Variants in SELENOI observed in about 807,000 individuals in gnomAD.
SELENOI encodes the protein selenoprotein I.
A neutral mutation model predicts 50.7 loss-of-function variants in SELENOI; 24 were observed. That is an observed-to-expected ratio of 0.47 (90% CI 0.34 to 0.67). The LOEUF (loss-of-function observed/expected upper bound fraction) is 0.67. Among genes scored for constraint, SELENOI ranks in the 30% least tolerant of loss-of-function variants. The pLI is 0.01. For missense variants in SELENOI, 352 were observed against 461.4 expected (o/e 0.76, Z 2.17); for synonymous variants, 155 against 170.2 (o/e 0.91, Z 0.70).
intron 4 of SELENOI, among the ~76,000 whole-genome samples, chr2:26,371,555 C>T (rs1328901688): frequency 2.6e-5 from 4 of 152,236 alleles, no homozygotes; most frequent in African/African-American, 7.2e-5. Flanking sequence ...CGCCACTGCA[C>T]TCCAGCCTGG....
At chr2:26,374,138 A>G (rs1242595120) in intron 5 of SELENOI, among the ~76,000 whole-genome samples, 1 of 152,260 alleles carries the variant, frequency 6.6e-6, no homozygotes, top group African/African-American at 2.4e-5. Flanking sequence ...TTCCTTTAAA[A>G]AAACAATCAC....
chr2:26,371,017 A>G (rs868757793), intron 4 of SELENOI, among the ~76,000 whole-genome samples: 36 of 98,962 alleles, frequency 3.6e-4, no homozygotes, highest in Middle Eastern at 9.4e-3. Context: ...GCGGCTGGCC[A>G]GGCAGAGGGG....
chr2:26,383,257 G>A lies in SELENOI; in HGVS notation c.683-42G>A, dbSNP rs368732215. ...ATGATTCAGTGGTAATGTAATAATT[G>A]CTCTTGAATAAGCATAATAATTGAA... On this transcript the variant is annotated intron_variant, in intron 6 of 9. Transcript: ENST00000260585. 15 of 1,425,854 alleles carry A rather than the reference G, an allele frequency of 1.1e-5. No individual in the cohort carries two copies. In the African/African-American group the frequency reaches 1.7e-4, roughly 17 times the overall value. 88.3% of individuals were successfully genotyped at this position (1,425,854 alleles called of 1,614,324 possible). A position where few individuals can be genotyped will look rare whatever the true frequency, so the allele number is the denominator to read the frequency against.
At position 26,391,826 on chromosome 2, in the gene SELENOI, G is replaced by A. The variant is rs1042159700; in HGVS notation, c.*2723G>A. The A allele has an allele frequency of 1.3e-5, 2 of 152,142 alleles. No homozygotes were observed. Among genetic ancestry groups the A allele is most frequent in the African/African-American group, 4.8e-5 (2 of 41,416 alleles). The allele number at this position is 152,142 out of a possible 1,614,324, so 9.4% of individuals were successfully genotyped here. Reference sequence around the variant, plus strand: ...AGAGAATGCTAATGCTGCCTTTTGTGATCCTTTAATATTATCCATGCTTTT... The same window carrying A: ...AGAGAATGCTAATGCTGCCTTTTGTAATCCTTTAATATTATCCATGCTTTT... On this transcript the variant is annotated 3_prime_UTR_variant, in exon 10 of 10. Coordinates refer to ENST00000260585, the MANE Select transcript of SELENOI (RefSeq NM_033505.4).
intron 5 of SELENOI, among the ~76,000 whole-genome samples, chr2:26,374,001 C>T (rs1677513834): frequency 6.6e-6 from 1 of 152,090 alleles, no homozygotes; most frequent in African/African-American, 2.4e-5. Context: ...ATCTTCCTGC[C>T]TTGGCTTCCC....
Position 26,375,114 on chromosome 2 carries a change from C to A in SELENOI, c.648C>A (p.Phe216Leu), listed in dbSNP as rs774295481. 1.9e-6 allele frequency: 3 copies of A among 1,611,952 alleles called. No homozygotes were observed. The highest frequency in any genetic ancestry group is 1.7e-5 in the Admixed American group (1 of 59,924). ...EAWYEPFLFN[F>L]LYRDLFTAMI... ...GGTATGAACCTTTCCTGTTTAATTT[C>A]TTATATAGAGACCTATTCACTGCAA... The change falls in exon 6 of 10, where the codon TTC (phenylalanine) becomes TTA (leucine). Residue 216 changes from phenylalanine (F) to leucine (L), a missense_variant. By Grantham distance (22) the Phe-to-Leu change is conservative (BLOSUM62 0). Coordinates refer to ENST00000260585, the MANE Select transcript of SELENOI (RefSeq NM_033505.4).
intron 4 of SELENOI, among the ~76,000 whole-genome samples, chr2:26,369,168 GA>G (rs1402953368): frequency 6.6e-6 from 1 of 152,168 alleles, no homozygotes; most frequent in Non-Finnish European, 1.5e-5. Context: ...CCTGTAAAAT[GA>G]AGGTATTCTA....
At chr2:26,385,910 C>G (rs1325956493) in intron 8 of SELENOI, among the ~76,000 whole-genome samples, 1 of 152,050 alleles carries the variant, frequency 6.6e-6, no homozygotes, top group Middle Eastern at 3.2e-3. Flanking sequence ...AATAAAGGAG[C>G]CAAAGAGGTT....
intron 1 of SELENOI, among the ~76,000 whole-genome samples, chr2:26,351,404 G>C (rs1676956737): frequency 6.6e-6 from 1 of 152,200 alleles, no homozygotes; most frequent in African/African-American, 2.4e-5. Context: ...GTGGCTCGCT[G>C]TGCTGCCCAG....
At position 26,394,243 on chromosome 2, in the gene SELENOI, A is replaced by T. The variant is rs1003333633; in HGVS notation, c.*5140A>T. 2.0e-5 allele frequency: 3 copies of T among 152,234 alleles called. No homozygotes were observed. Among genetic ancestry groups the T allele is most frequent in the African/African-American group, 7.2e-5 (3 of 41,448 alleles). The allele number at this position is 152,234 out of a possible 1,614,324, so 9.4% of individuals were successfully genotyped here. On this transcript the variant is annotated 3_prime_UTR_variant, in exon 10 of 10. Coordinates refer to ENST00000260585, the MANE Select transcript of SELENOI (RefSeq NM_033505.4). This position sits in a 1 kb window ranked among gnomAD's most constrained non-coding sequence, Gnocchi z 4.1. ...CCGTCTGTAATAAAAATACAAAAAAATTAGCTGGGCATGGTGGCATGTGCC... is the reference window on the plus strand; with the variant it reads ...CCGTCTGTAATAAAAATACAAAAAATTTAGCTGGGCATGGTGGCATGTGCC...
At chr2:26,348,647 C>A (rs1171875366) in intron 1 of SELENOI, among the ~76,000 whole-genome samples, 1 of 150,254 alleles carries the variant, frequency 6.7e-6, no homozygotes, top group Non-Finnish European at 1.5e-5. Flanking sequence ...TGTCTACTTT[C>A]TCTTTTAGGA....
chr2:26,360,284 G>T (rs975505183), intron 1 of SELENOI, among the ~76,000 whole-genome samples: 21 of 152,290 alleles, frequency 1.4e-4, no homozygotes, highest in Admixed American at 8.5e-4. Flanking sequence ...TGTGTAAGGC[G>T]AGAGCACAGA....
intron 5 of SELENOI, 71 bp downstream of exon 5, chr2:26,373,700 T>C: frequency 6.8e-7 from 1 of 1,473,454 alleles, no homozygotes; most frequent in Non-Finnish European, 9.2e-7. Context: ...TCATTGCTTA[T>C]TTATTGCTCT....
intron 1 of SELENOI, among the ~76,000 whole-genome samples, chr2:26,357,586 A>C (rs189661222): frequency 5.0e-4 from 76 of 152,286 alleles, no homozygotes; most frequent in African/African-American, 1.8e-3. Flanking sequence ...CCTTGCCTCT[A>C]TTTCAGCTTC....
At chr2:26,372,270 C>T (rs147843392) in intron 4 of SELENOI, among the ~76,000 whole-genome samples, 193 of 152,064 alleles carry the variant, frequency 1.3e-3, no homozygotes, top group African/African-American at 4.2e-3. Flanking sequence ...GCACCATCCC[C>T]GGCTAAGTTT....
intron 4 of SELENOI, among the ~76,000 whole-genome samples, chr2:26,367,618 T>TA (rs1461729285): frequency 6.6e-6 from 1 of 152,234 alleles, no homozygotes; most frequent in Non-Finnish European, 1.5e-5. Flanking sequence ...ATGCGGCCTT[T>TA]AAAAAATATT....
chr2:26,351,051 G>GTTGTTTTTTTTTTTTTTTTTTTTTT (rs1558409882), intron 1 of SELENOI, among the ~76,000 whole-genome samples: 1 of 102,076 alleles, frequency 9.8e-6, no homozygotes, highest in African/African-American at 5.6e-5. Flanking sequence ...TTCACTGTTT[G>GTTGTTTTTTTTTTTTTTTTTTTTTT]TTTGTTTTTT....
chr2:26,371,089 C>T (rs1677426575), intron 4 of SELENOI, among the ~76,000 whole-genome samples: 1 of 146,160 alleles, frequency 6.8e-6, no homozygotes, highest in Non-Finnish European at 1.5e-5. Flanking sequence ...GACGGGGCGG[C>T]TGGCCGGGCC....
Position 26,367,079 on chromosome 2 carries a change from A to C in SELENOI, c.236-67A>C, listed in dbSNP as rs1022440736. ...ACAAATAGCGACACTTCTCACTGTCAGTATATGCTATGGTAAGAACTACTG... is the reference window on the plus strand; with the variant it reads ...ACAAATAGCGACACTTCTCACTGTCCGTATATGCTATGGTAAGAACTACTG... On this transcript the variant is annotated intron_variant, in intron 3 of 9. Coordinates refer to ENST00000260585, the MANE Select transcript of SELENOI (RefSeq NM_033505.4). 6.2e-6 allele frequency: 8 copies of C among 1,296,538 alleles called. No homozygotes were observed. The East Asian group carries it at 2.1e-4, about 33-fold the overall frequency. 80.3% of individuals were successfully genotyped at this position (1,296,538 alleles called of 1,614,324 possible).
Sources: allele counts gnomAD v4.1 joint callset (sites outside exome capture counted in the v4.1 genomes callset), GRCh38; gene constraint gnomAD v4.1.1; non-coding constraint Gnocchi (gnomAD v3.1); transcripts MANE v1.5; gene names NCBI Gene and HGNC (gene_info 2026-07-23, HGNC 2026-07-21).